NGEF: variants seen among roughly 807,000 people sequenced by gnomAD.
NGEF encodes the protein neuronal guanine nucleotide exchange factor.
NGEF carries 31 observed loss-of-function variants against 80.9 expected under a neutral mutation model. That is an observed-to-expected ratio of 0.38 (90% CI 0.29 to 0.52). The LOEUF is 0.52. Ranked by LOEUF, NGEF falls within the 20% of genes least tolerant of loss-of-function variation. The pLI is 0.84. For missense variants in NGEF, 709 were observed against 926.2 expected, an observed-to-expected ratio of 0.77 and a Z score of 3.04; for synonymous variants, 371 against 370.2, an observed-to-expected ratio of 1.00 and a Z score of -0.03.
chr2:233,004,407 G>A (rs889097136), intron 1 of NGEF, among the ~76,000 whole-genome samples: 2 of 152,158 alleles, frequency 1.3e-5, no homozygotes, highest in African/African-American at 4.8e-5. Flanking sequence ...CCCATCCCCT[G>A]GTCGCAGCAG....
intron 3 of NGEF, among the ~76,000 whole-genome samples, chr2:232,963,988 A>G (rs1694007234): frequency 6.6e-6 from 1 of 152,182 alleles, no homozygotes. Flanking sequence ...AACATATGAA[A>G]AGGTGTTCAA....
intron 5 of NGEF, among the ~76,000 whole-genome samples, chr2:232,910,683 T>C (rs1692675289): frequency 6.6e-6 from 1 of 152,222 alleles, no homozygotes; most frequent in African/African-American, 2.4e-5. Context: ...ACCAGCCATG[T>C]AGGAGAGTTT....
chr2:232,881,772 T>C (rs1348522320), intron 13 of NGEF, among the ~76,000 whole-genome samples: 1 of 152,144 alleles, frequency 6.6e-6, no homozygotes, highest in Non-Finnish European at 1.5e-5. Context: ...AGACGGGGTT[T>C]TGCTATGTTG....
At chr2:232,912,361 T>C (rs1328082626) in intron 5 of NGEF, among the ~76,000 whole-genome samples, 1 of 152,230 alleles carries the variant, frequency 6.6e-6, no homozygotes, top group African/African-American at 2.4e-5. Context: ...CAGGATGAAC[T>C]CCACTCAGTC....
intron 13 of NGEF, 97 bp downstream of exon 13, chr2:232,882,089 G>GAGGGCTTCCCTCCAGGC (rs1015985621): frequency 8.9e-7 from 1 of 1,126,588 alleles, no homozygotes; most frequent in Admixed American, 2.0e-5. Context: ...CCAGCTCAGG[G>GAGGGCTTCCCTCCAGGC]AGGGCTTCCC....
rs1240645168 is a variant in NGEF at position 232,878,859 on chromosome 2, A to C, written c.*630T>G. The C allele has an allele frequency of 6.6e-6, 1 of 152,616 alleles. No homozygotes were observed. The highest frequency in any genetic ancestry group is 1.5e-5 in the Non-Finnish European group (1 of 68,084). 9.5% of individuals were successfully genotyped at this position (152,616 alleles called of 1,614,324 possible). On this transcript the variant is annotated 3_prime_UTR_variant, in exon 15 of 15. Coordinates refer to ENST00000264051, the MANE Select transcript of NGEF (RefSeq NM_019850.3). ...ACAAGTTACATCCAGCCCATCAGGG[A>C]GCCAGAGGCGGGAGGGGTCCCCAGC...
chr2:232,910,457 G>A (rs940746814), intron 5 of NGEF, among the ~76,000 whole-genome samples: 1 of 151,660 alleles, frequency 6.6e-6, no homozygotes, highest in African/African-American at 2.4e-5. Context: ...GTGGGGGGTG[G>A]GGGGGGTAAT....
At chr2:232,967,707 GT>G (rs1321271737) in intron 3 of NGEF, among the ~76,000 whole-genome samples, 18 of 13,498 alleles carry the variant, frequency 1.3e-3, no homozygotes, top group African/African-American at 3.9e-3. Context: ...TAAAATAGGG[GT>G]GTGTGTGTGT....
chr2:232,998,881 T>A (rs1400348), intron 1 of NGEF, among the ~76,000 whole-genome samples: 1 of 152,076 alleles, frequency 6.6e-6, no homozygotes, highest in Non-Finnish European at 1.5e-5. Flanking sequence ...TAGGGTGATG[T>A]TGCATATCTA....
chr2:232,901,025 C>G (rs1026334237), intron 5 of NGEF, among the ~76,000 whole-genome samples: 9 of 152,200 alleles, frequency 5.9e-5, no homozygotes, highest in Non-Finnish European at 1.3e-4. Context: ...ACAAAAGAGA[C>G]CCATCAGCAA....
intron 5 of NGEF, among the ~76,000 whole-genome samples, chr2:232,896,987 G>A (rs1692114141): frequency 8.0e-6 from 1 of 125,714 alleles, no homozygotes; most frequent in African/African-American, 3.2e-5. Flanking sequence ...GGTTAAGGGT[G>A]AGGTAGGGGT....
intron 3 of NGEF, among the ~76,000 whole-genome samples, chr2:232,956,486 G>A (rs997683793): frequency 1.3e-5 from 2 of 152,082 alleles, no homozygotes; most frequent in Non-Finnish European, 2.9e-5. Context: ...ACCAGAATTA[G>A]GCTGGGCACA....
chr2:232,889,299 G>A (rs955959647), intron 8 of NGEF, among the ~76,000 whole-genome samples: 2 of 152,168 alleles, frequency 1.3e-5, no homozygotes, highest in African/African-American at 4.8e-5. Context: ...GGGCAGTATG[G>A]GTTCCTTAGC....
chr2:232,959,328 A>G (rs1180879579), intron 3 of NGEF, among the ~76,000 whole-genome samples: 2 of 152,080 alleles, frequency 1.3e-5, no homozygotes, highest in African/African-American at 2.4e-5. Flanking sequence ...GAGTCGGGCC[A>G]CGTTTCTTCA....
chr2:232,911,449 T>C (rs1473433743), intron 5 of NGEF, among the ~76,000 whole-genome samples: 1 of 152,218 alleles, frequency 6.6e-6, no homozygotes, highest in Non-Finnish European at 1.5e-5. Flanking sequence ...GTATGACTCC[T>C]CCAGCTTTAT....
chr2:232,899,899 CAT>C (rs1384312774), intron 5 of NGEF, among the ~76,000 whole-genome samples: 4 of 147,816 alleles, frequency 2.7e-5, no homozygotes, highest in Admixed American at 6.7e-5. Flanking sequence ...CATTCACACA[CAT>C]GCTCTCACAG....
intron 5 of NGEF, chr2:232,901,434 T>G (rs1352788020): frequency 1.0e-6 from 1 of 984,134 alleles, no homozygotes; most frequent in Non-Finnish European, 1.2e-6. Context: ...ATTTGGGTTG[T>G]TTTTTTGGCT....
intron 3 of NGEF, among the ~76,000 whole-genome samples, chr2:232,933,711 G>A (rs530313868): frequency 6.6e-6 from 1 of 152,316 alleles, no homozygotes; most frequent in East Asian, 1.9e-4. Context: ...CAGTTCTCCA[G>A]GTTCTGGGCT....
intron 5 of NGEF, among the ~76,000 whole-genome samples, chr2:232,913,713 G>C (rs751804887): frequency 1.3e-5 from 2 of 152,176 alleles, no homozygotes; most frequent in Non-Finnish European, 2.9e-5. Context: ...GAGATCAGGA[G>C]ATTGAGATCA....
Sources: gnomAD v4.1 joint callset for allele counts (sites outside exome capture counted in the v4.1 genomes callset) on GRCh38, gnomAD v4.1.1 for gene constraint, MANE v1.5 for transcripts, NCBI Gene and HGNC (gene_info 2026-07-23, HGNC 2026-07-21) for gene names.